Variants in TNS3 observed in about 807,000 individuals in gnomAD.
TNS3 encodes the protein tensin 3.
Under a neutral mutation model 140.9 loss-of-function variants are expected in TNS3, and 45 were observed. The observed-to-expected ratio is 0.32, with a 90% CI of 0.25 to 0.41. The LOEUF (loss-of-function observed/expected upper bound fraction) is 0.41, where lower values mean the gene tolerates loss of function less well. Among genes scored for constraint, TNS3 ranks in the 10% least tolerant of loss-of-function variants. TNS3 has a pLI of 1.00. For missense variants in TNS3, 1,716 were observed against 1,906.7 expected, an observed-to-expected ratio of 0.90 and a Z score of 1.86; for synonymous variants, 815 against 788.4, an observed-to-expected ratio of 1.03 and a Z score of -0.56.
intron 6 of TNS3, among the ~76,000 whole-genome samples, chr7:47,439,179 G>C (rs1234299225): frequency 6.6e-6 from 1 of 152,208 alleles, no homozygotes; most frequent in East Asian, 1.9e-4. Flanking sequence ...GGAGCGCAAG[G>C]GTGGCTGGCT....
chr7:47,496,227 G>A (rs1353795314), intron 3 of TNS3, among the ~76,000 whole-genome samples: 3 of 152,208 alleles, frequency 2.0e-5, no homozygotes, highest in Non-Finnish European at 2.9e-5. Context: ...CGTCAAAAAA[G>A]GACATCACTG....
intron 3 of TNS3, among the ~76,000 whole-genome samples, chr7:47,503,690 G>A (rs1488115889): frequency 6.6e-6 from 1 of 152,112 alleles, no homozygotes; most frequent in African/African-American, 2.4e-5. Flanking sequence ...AAGAAAGTGA[G>A]GCTCAGGGCC....
chr7:47,495,190 C>CAA (rs11353260), intron 3 of TNS3, among the ~76,000 whole-genome samples: 1,489 of 79,590 alleles, frequency 0.019, 29 homozygotes, highest in African/African-American at 0.05. Context: ...GACTCCGTCT[C>CAA]AAAAAAAAAA....
rs1800084471 is a variant in TNS3, at chr7:47,552,259, CAT to C, written c.-264-23114_-264-23113del. Among the ~76,000 whole-genome samples, 3 of 152,264 alleles carry C rather than the reference CAT, an allele frequency of 2.0e-5. No homozygotes were observed. In the East Asian group the frequency reaches 5.8e-4, roughly 29 times the overall value. On this transcript the variant is annotated intron_variant, in intron 1 of 30. Coordinates refer to ENST00000311160, the MANE Select transcript of TNS3 (RefSeq NM_022748.12). Reference sequence around the variant, plus strand: ...CCAGGAAGCCGTCTAGAGCTTGGCACATGAGTGAAGGCGAGAAACAATTTGCC... The same window carrying C: ...CCAGGAAGCCGTCTAGAGCTTGGCACGAGTGAAGGCGAGAAACAATTTGCC...
intron 4 of TNS3, among the ~76,000 whole-genome samples, chr7:47,475,952 C>T (rs1406753785): frequency 1.3e-5 from 2 of 152,146 alleles, no homozygotes; most frequent in Non-Finnish European, 2.9e-5. Context: ...AAGCAGGGGA[C>T]ACGCTCTGGA....
intron 4 of TNS3, among the ~76,000 whole-genome samples, chr7:47,465,817 A>G (rs1472635401): frequency 1.3e-5 from 2 of 151,890 alleles, no homozygotes; most frequent in Non-Finnish European, 2.9e-5. Context: ...CCAGCTATTC[A>G]GGAGGCTGAG....
At chr7:47,438,259 A>G (rs553285696) in intron 6 of TNS3, among the ~76,000 whole-genome samples, 1 of 152,272 alleles carries the variant, frequency 6.6e-6, no homozygotes, top group East Asian at 1.9e-4. Flanking sequence ...GATCCCTGCC[A>G]TAGCCATTTT....
At chr7:47,521,945 G>A (rs1798993545) in intron 2 of TNS3, among the ~76,000 whole-genome samples, 1 of 152,162 alleles carries the variant, frequency 6.6e-6, no homozygotes, top group Non-Finnish European at 1.5e-5. Context: ...CAAAGGGCCA[G>A]ACCCAGGGAA....
intron 20 of TNS3, among the ~76,000 whole-genome samples, chr7:47,313,058 G>T (rs1050928657): frequency 6.6e-6 from 1 of 152,132 alleles, no homozygotes; most frequent in Non-Finnish European, 1.5e-5. Flanking sequence ...CTACTGCATG[G>T]AGGAACATGT....
chr7:47,296,496 G>A (rs1055881851), intron 24 of TNS3, among the ~76,000 whole-genome samples: 3 of 152,120 alleles, frequency 2.0e-5, no homozygotes, highest in African/African-American at 7.2e-5. Flanking sequence ...ATTACAGGTT[G>A]GTGCAAAAGT....
In TNS3 at chr7:47,303,329, T is replaced by G; in HGVS notation, c.3078A>C (p.Pro1026=). The G allele has an allele frequency of 3.1e-6, 5 of 1,613,532 alleles. No individual in the cohort carries two copies. Among genetic ancestry groups the G allele is most frequent in the Non-Finnish European group, 4.2e-6 (5 of 1,179,820 alleles). Residue 1026 remains proline (P), a synonymous_variant, in exon 22 of 31, where the codon CCA becomes CCC. Coordinates refer to ENST00000311160, the MANE Select transcript of TNS3 (RefSeq NM_022748.12). ...SQAFLGFGTA[P]VGSGLPPEED... is the part of the protein sequence containing the mutation. Reference sequence around the variant, plus strand: ...CCTCGGGCGGAAGGCCACTTCCCACTGGGGCGGTGCCGAAGCCCAGGAAGG... The same window carrying G: ...CCTCGGGCGGAAGGCCACTTCCCACGGGGGCGGTGCCGAAGCCCAGGAAGG...
rs113543254 is a variant in TNS3 at position 47,553,428 on chromosome 7, T to G, written c.-264-24281A>C. Among the ~76,000 whole-genome samples, 1,219 of 152,338 alleles carry G rather than the reference T, an allele frequency of 8.0e-3. 19 individuals carry two copies. Among genetic ancestry groups the G allele is most frequent in the African/African-American group, 0.028 (1,147 of 41,572 alleles). On this transcript the variant is annotated intron_variant, in intron 1 of 30. Coordinates refer to ENST00000311160, the MANE Select transcript of TNS3 (RefSeq NM_022748.12). ...GCTAAGGCAACTAATGCCTGGAAGTTGAAGCAAATGCTCATTTACCATTCT... is the reference window on the plus strand; with the variant it reads ...GCTAAGGCAACTAATGCCTGGAAGTGGAAGCAAATGCTCATTTACCATTCT...
intron 1 of TNS3, among the ~76,000 whole-genome samples, chr7:47,542,975 CT>C (rs892440503): frequency 5.9e-5 from 9 of 151,554 alleles, no homozygotes; most frequent in African/African-American, 2.2e-4. Context: ...AAAAGACTGC[CT>C]TCAGTTTAAG....
At chr7:47,535,765 T>C (rs376661966) in intron 1 of TNS3, among the ~76,000 whole-genome samples, 1 of 152,230 alleles carries the variant, frequency 6.6e-6, no homozygotes, top group East Asian at 1.9e-4. Flanking sequence ...TCCACATGAA[T>C]GCTCCACTCT....
intron 2 of TNS3, among the ~76,000 whole-genome samples, chr7:47,523,149 G>A (rs1249192720): frequency 5.9e-5 from 9 of 152,012 alleles, no homozygotes; most frequent in Non-Finnish European, 2.9e-5. Context: ...TTCATAGATG[G>A]TGCCTCCTTA....
intron 17 of TNS3, among the ~76,000 whole-genome samples, chr7:47,352,801 C>CCCTG (rs1300623354): frequency 9.2e-5 from 14 of 152,320 alleles, no homozygotes; most frequent in Admixed American, 8.5e-4. Flanking sequence ...CTAGCCCAGC[C>CCCTG]CCTGGGTCCA....
intron 4 of TNS3, among the ~76,000 whole-genome samples, chr7:47,449,425 G>T (rs1010292979): frequency 1.3e-5 from 2 of 152,088 alleles, no homozygotes; most frequent in Non-Finnish European, 2.9e-5. Context: ...TCCTGCCCCA[G>T]GTTCTTTGCA....
At position 47,368,917 on chromosome 7, in the gene TNS3, G is replaced by C. The variant is rs1790879692; in HGVS notation, c.1729C>G (p.Gln577Glu). ...LRKPSVSAQM[Q>E]AYGQSSYSTQ... ...GAGTAGCTGCTCTGCCCATAGGCCTGCATCTGGGCGGACACTGAGGGCTTT... is the reference window on the plus strand; with the variant it reads ...GAGTAGCTGCTCTGCCCATAGGCCTCCATCTGGGCGGACACTGAGGGCTTT... The change falls in exon 17 of 31, where the codon CAG becomes GAG. Residue 577 changes from glutamine to glutamate, a missense_variant. Physicochemically the swap from Gln to Glu is conservative, Grantham distance 29. Coordinates refer to ENST00000311160, the MANE Select transcript of TNS3 (RefSeq NM_022748.12). The C allele has an allele frequency of 6.2e-7, 1 of 1,613,456 alleles. No individual in the cohort carries two copies. The highest frequency in any genetic ancestry group is 8.5e-7 in the Non-Finnish European group (1 of 1,179,732).
chr7:47,456,566 T>A (rs372599246), intron 4 of TNS3, among the ~76,000 whole-genome samples: 3 of 152,120 alleles, frequency 2.0e-5, no homozygotes, highest in African/African-American at 7.2e-5. Context: ...ATTATTACTA[T>A]TGGGGCAATC....
Sources: allele counts gnomAD v4.1 joint callset (sites outside exome capture counted in the v4.1 genomes callset), GRCh38; gene constraint gnomAD v4.1.1; transcripts MANE v1.5; gene names NCBI Gene and HGNC (gene_info 2026-07-23, HGNC 2026-07-21).